Variants in COX7A2L observed in about 807,000 individuals in gnomAD.
The protein encoded by COX7A2L is cytochrome c oxidase subunit 7A2 like.
COX7A2L carries 18 observed loss-of-function variants against 14.2 expected under a neutral mutation model. The ratio of observed to expected loss-of-function variants is 1.27; its 90% CI spans 0.88 to 1.88. The LOEUF (loss-of-function observed/expected upper bound fraction) is 1.88. Among genes scored for constraint, COX7A2L ranks in the 40% most tolerant of loss-of-function variants. COX7A2L has a pLI of 0.00. For synonymous variants in COX7A2L, 65 were observed against 57.4 expected (o/e 1.13, Z -0.60); for missense variants, 179 against 138.8 (o/e 1.29, Z -1.46).
chr2:42,360,459 T>C (rs1264088970), intron 1 of COX7A2L, among the ~76,000 whole-genome samples: 2 of 152,146 alleles, frequency 1.3e-5, no homozygotes, highest in East Asian at 1.9e-4. Context: ...CAAACTCCAA[T>C]TGGTAGAATC....
At chr2:42,358,409 CAT>C (rs1670900471) in intron 1 of COX7A2L, among the ~76,000 whole-genome samples, 1 of 152,190 alleles carries the variant, frequency 6.6e-6, no homozygotes, top group African/African-American at 2.4e-5. Flanking sequence ...CCACCTTTTC[CAT>C]ATTATGTTAT....
chr2:42,358,770 G>A (rs1670912888), intron 1 of COX7A2L, among the ~76,000 whole-genome samples: 1 of 152,162 alleles, frequency 6.6e-6, no homozygotes, highest in Admixed American at 6.6e-5. Flanking sequence ...CAATATGCCA[G>A]TTTTTAGTCG....
chr2:42,361,282 C>T (rs1276027650), upstream of COX7A2L: 11 of 879,150 alleles, frequency 1.3e-5, no homozygotes, highest in African/African-American at 3.4e-5. Context: ...ACTAGGGCTG[C>T]CCGAAGATCG....
rs113087885 is a variant in COX7A2L at position 42,350,260 on chromosome 2, T to G, written c.*959A>C. 16 of 152,306 alleles carry G rather than the reference T, an allele frequency of 1.1e-4. No homozygotes were observed. The highest frequency in any genetic ancestry group is 3.4e-4 in the African/African-American group (14 of 41,572). 9.4% of individuals were successfully genotyped at this position (152,306 alleles called of 1,614,324 possible). ...TACCAATCATGACAGCAAAGGAAAT[T>G]AGTGTCTAAATGAACTGTGAGTTAC... On this transcript the variant is annotated 3_prime_UTR_variant, in exon 3 of 3. Transcript: ENST00000234301.
At chr2:42,346,587 G>T (rs1236588630), downstream of COX7A2L, among the ~76,000 whole-genome samples, 1 of 152,046 alleles carries the variant, frequency 6.6e-6, no homozygotes, top group African/African-American at 2.4e-5. Context: ...AGACCAGCCT[G>T]GGCAACACAG....
Position 42,360,984 on chromosome 2 carries a change from C to T in COX7A2L, c.72+106G>A, listed in dbSNP as rs538680694. ...GAGGTGCAAGGAGAACAGAGACGAA[C>T]TCGACCGCGGGCAGAAGCCTCCCCT... On this transcript the variant is annotated intron_variant, in intron 1 of 2. Coordinates refer to ENST00000234301, the MANE Select transcript of COX7A2L (RefSeq NM_004718.4). 9.8e-6 allele frequency: 12 copies of T among 1,225,190 alleles called. No individual in the cohort carries two copies. The East Asian group carries it at 3.0e-4, about 30-fold the overall frequency. The allele number at this position is 1,225,190 out of a possible 1,614,324, so 75.9% of individuals were successfully genotyped here.
chr2:42,341,250 T>A (rs1670399014), intron 2 of COX7A2L, among the ~76,000 whole-genome samples: 2 of 152,086 alleles, frequency 1.3e-5, no homozygotes, highest in South Asian at 4.1e-4. Context: ...CAGGCCCTGA[T>A]GAGAACTCAC....
chr2:42,361,064 C>T (rs1169613372), intron 1 of COX7A2L, 26 bp downstream of exon 1: 1 of 1,611,376 alleles, frequency 6.2e-7, no homozygotes, highest in Non-Finnish European at 8.5e-7. Context: ...CTTCTCATGT[C>T]CGAGCTGGCC....
At chr2:42,355,605 A>G (rs1179985036) in intron 1 of COX7A2L, among the ~76,000 whole-genome samples, 2 of 151,280 alleles carry the variant, frequency 1.3e-5, no homozygotes, top group Non-Finnish European at 3.0e-5. Context: ...ATAGAATTGA[A>G]GTTACCTATA....
chr2:42,355,192 A>G (rs1157998500), intron 1 of COX7A2L, among the ~76,000 whole-genome samples: 1 of 152,192 alleles, frequency 6.6e-6, no homozygotes, highest in Non-Finnish European at 1.5e-5. Flanking sequence ...CACACTCAAA[A>G]CAGAGACTCA....
chr2:42,367,980 A>G (rs1216077661), intron 1 of COX7A2L, among the ~76,000 whole-genome samples: 1 of 152,244 alleles, frequency 6.6e-6, no homozygotes, highest in East Asian at 1.9e-4. Context: ...ACCATGGCAA[A>G]GGTAAAAATC....
At chr2:42,368,134 G>T (rs557321989) in intron 1 of COX7A2L, among the ~76,000 whole-genome samples, 1 of 152,194 alleles carries the variant, frequency 6.6e-6, no homozygotes, top group Non-Finnish European at 1.5e-5. Flanking sequence ...AAGAACAACC[G>T]AGTGGGTGGA....
chr2:42,360,514 CT>C (rs997884651), intron 1 of COX7A2L, among the ~76,000 whole-genome samples: 9 of 152,206 alleles, frequency 5.9e-5, no homozygotes, highest in Non-Finnish European at 8.8e-5. Context: ...CAACGAGCAT[CT>C]GTCAAATATT....
At chr2:42,362,527 G>C (rs1671081042), upstream of COX7A2L, among the ~76,000 whole-genome samples, 3 of 152,204 alleles carry the variant, frequency 2.0e-5, no homozygotes, top group African/African-American at 7.2e-5. Flanking sequence ...GCTCAGGTCA[G>C]GGATAAGTGG....
At chr2:42,355,718 T>C (rs1372105397) in intron 1 of COX7A2L, among the ~76,000 whole-genome samples, 2 of 71,642 alleles carry the variant, frequency 2.8e-5, no homozygotes, top group African/African-American at 6.0e-5. Flanking sequence ...TCCTACGTTC[T>C]TTTTTTTTTT....
downstream of COX7A2L, among the ~76,000 whole-genome samples, chr2:42,349,048 A>G (rs1458007647): frequency 6.6e-6 from 1 of 152,246 alleles, no homozygotes; most frequent in East Asian, 1.9e-4. Flanking sequence ...AGTTGGAAAC[A>G]GTCTGGCAGT....
intron 2 of COX7A2L, among the ~76,000 whole-genome samples, chr2:42,337,063 G>A (rs1670292707): frequency 6.6e-6 from 1 of 152,148 alleles, no homozygotes; most frequent in Non-Finnish European, 1.5e-5. Context: ...ATTGTAACTA[G>A]ATGCTATAAT....
chr2:42,340,388 G>T (rs1390371518), intron 2 of COX7A2L, among the ~76,000 whole-genome samples: 1 of 152,156 alleles, frequency 6.6e-6, no homozygotes, highest in South Asian at 2.1e-4. Flanking sequence ...ATCAATTGTT[G>T]TAAGTCTTTT....
At chr2:42,344,580 C>T (rs1425350885), downstream of COX7A2L, among the ~76,000 whole-genome samples, 2 of 152,276 alleles carry the variant, frequency 1.3e-5, no homozygotes, top group South Asian at 2.1e-4. Context: ...AGGCCCGGCG[C>T]GGTGGCTCAC....
Sources: allele counts gnomAD v4.1 joint callset (sites outside exome capture counted in the v4.1 genomes callset), GRCh38; gene constraint gnomAD v4.1.1; transcripts MANE v1.5; gene names NCBI Gene and HGNC (gene_info 2026-07-23, HGNC 2026-07-21).